The following BRD10 variants were observed in gnomAD, a reference collection of about 807,000 sequenced individuals.
BRD10 encodes uncharacterized bromodomain-containing protein 10.
chr9:5,997,862 A>G, the BRD10 span, among the ~76,000 whole-genome samples: 2 of 152,324 alleles, frequency 1.3e-5, no homozygotes, highest in Non-Finnish European at 1.5e-5. Context: ...TTACATGGAT[A>G]GCAAAGAAGA....
the BRD10 span, chr9:5,933,848 T>C: frequency 1.1e-5 from 5 of 470,234 alleles, no homozygotes; most frequent in African/African-American, 4.0e-5. Flanking sequence ...GGAGAGGGAG[T>C]TGGCAATCTA....
At chr9:5,975,222 C>G in the BRD10 span, among the ~76,000 whole-genome samples, 1 of 150,728 alleles carries the variant, frequency 6.6e-6, no homozygotes, top group African/African-American at 2.4e-5. Context: ...GATCACTTGA[C>G]GTCAGGAGTT....
At chr9:5,956,990 C>T in the BRD10 span, among the ~76,000 whole-genome samples, 1 of 152,046 alleles carries the variant, frequency 6.6e-6, no homozygotes, top group Non-Finnish European at 1.5e-5. Context: ...ATGCAGGTAA[C>T]TGTTTACAAT....
the BRD10 span, among the ~76,000 whole-genome samples, chr9:5,944,361 A>G: frequency 6.6e-6 from 1 of 152,052 alleles, no homozygotes; most frequent in Admixed American, 6.6e-5. Flanking sequence ...AAGATTAATT[A>G]TAATTTAGAC....
the BRD10 span, among the ~76,000 whole-genome samples, chr9:5,926,260 T>C: frequency 4.6e-5 from 7 of 152,126 alleles, no homozygotes; most frequent in African/African-American, 1.7e-4. Context: ...TTTGTGCACA[T>C]TAGATTTTAA....
chr9:5,941,838 C>A, the BRD10 span, among the ~76,000 whole-genome samples: 12 of 151,994 alleles, frequency 7.9e-5, no homozygotes, highest in African/African-American at 2.9e-4. Flanking sequence ...AAAAATGGGA[C>A]CATTCTTCCC....
the BRD10 span, among the ~76,000 whole-genome samples, chr9:5,965,363 T>C: frequency 6.6e-6 from 1 of 152,180 alleles, no homozygotes; most frequent in Non-Finnish European, 1.5e-5. Context: ...TTTTCTTTTC[T>C]TCAAGACTTT....
the BRD10 span, among the ~76,000 whole-genome samples, chr9:5,961,174 T>G: frequency 2.0e-5 from 3 of 152,150 alleles, no homozygotes; most frequent in South Asian, 6.2e-4. Flanking sequence ...AAGAATGTTA[T>G]AGAATAGAGA....
the BRD10 span, among the ~76,000 whole-genome samples, chr9:5,961,885 T>C: frequency 2.0e-5 from 3 of 152,216 alleles, no homozygotes; most frequent in Non-Finnish European, 4.4e-5. Context: ...CTACTAAAAA[T>C]CACCTGCCGG....
chr9:5,904,231 G>C, the BRD10 span, among the ~76,000 whole-genome samples: 2 of 152,202 alleles, frequency 1.3e-5, no homozygotes, highest in East Asian at 1.9e-4. Context: ...AGAACACATA[G>C]TTGGGTCTTG....
chr9:5,987,427 G>A, the BRD10 span, among the ~76,000 whole-genome samples: 4 of 151,854 alleles, frequency 2.6e-5, no homozygotes, highest in Non-Finnish European at 4.4e-5. Context: ...TCTACTGTAC[G>A]CTACTGTCAA....
At chr9:5,966,268 T>C in the BRD10 span, among the ~76,000 whole-genome samples, 1 of 152,118 alleles carries the variant, frequency 6.6e-6, no homozygotes, top group Non-Finnish European at 1.5e-5. Flanking sequence ...CTCCTCCCAA[T>C]TTTCTCTCTG....
the BRD10 span, among the ~76,000 whole-genome samples, chr9:5,882,935 C>T: frequency 1.3e-5 from 2 of 152,128 alleles, no homozygotes; most frequent in Non-Finnish European, 2.9e-5. Flanking sequence ...CGCGTGTTCT[C>T]ACTCACAGGT....
chr9:5,956,455 A>G, the BRD10 span, among the ~76,000 whole-genome samples: 1 of 152,184 alleles, frequency 6.6e-6, no homozygotes, highest in Admixed American at 6.5e-5. Flanking sequence ...CATGTATAAC[A>G]GCTATCACAT....
At chr9:5,885,530 C>G in the BRD10 span, among the ~76,000 whole-genome samples, 1 of 152,192 alleles carries the variant, frequency 6.6e-6, no homozygotes, top group East Asian at 1.9e-4. Context: ...ACCACCACGC[C>G]CGGCTAATTT....
chr9:5,973,015 G>C, the BRD10 span, among the ~76,000 whole-genome samples: 1 of 152,244 alleles, frequency 6.6e-6, no homozygotes, highest in East Asian at 1.9e-4. Context: ...AAATTCTAAA[G>C]AATGTGCTTC....
the BRD10 span, among the ~76,000 whole-genome samples, chr9:5,992,583 T>TC: frequency 6.6e-6 from 1 of 152,184 alleles, no homozygotes; most frequent in Admixed American, 6.5e-5. Flanking sequence ...AAGCTTTTTT[T>TC]CTGTCTATTA....
At chr9:5,991,957 G>A in the BRD10 span, among the ~76,000 whole-genome samples, 1 of 151,998 alleles carries the variant, frequency 6.6e-6, no homozygotes, top group Non-Finnish European at 1.5e-5. Flanking sequence ...CTGTTTCCAT[G>A]CATCTTTGCA....
At chr9:5,956,270 G>C in the BRD10 span, among the ~76,000 whole-genome samples, 1 of 152,132 alleles carries the variant, frequency 6.6e-6, no homozygotes, top group African/African-American at 2.4e-5. Context: ...TACTCTATTT[G>C]AATGGACTGA....
Sources: gnomAD v4.1 joint callset for allele counts (sites outside exome capture counted in the v4.1 genomes callset) on GRCh38, gnomAD v4.1.1 for gene constraint, MANE v1.5 for transcripts, NCBI Gene and HGNC (gene_info 2026-07-23, HGNC 2026-07-21) for gene names.